The following NSD1 variants were observed in gnomAD, a reference collection of about 807,000 sequenced individuals.
NSD1 encodes the protein histone-lysine N-methyltransferase, H3 lysine-36 specific.
NSD1 carries 26 observed loss-of-function variants against 242.7 expected under a neutral mutation model. The observed-to-expected ratio is 0.11, with a 90% CI of 0.08 to 0.15. The LOEUF is 0.15. NSD1 is among the 10% of genes least tolerant of loss of function. NSD1 has a pLI of 1.00. For synonymous variants in NSD1, 1,106 were observed against 1,178.1 expected, an observed-to-expected ratio of 0.94 and a Z score of 1.25; for missense variants, 2,495 against 3,272.8, an observed-to-expected ratio of 0.76 and a Z score of 5.80.
rs116133311 is a variant in NSD1, at chr5:177,219,586, G to T, written c.3796+7391G>T. 6.8e-3 allele frequency among the ~76,000 whole-genome samples: 1,030 copies of T among 152,266 alleles called. 9 individuals carry two copies. The highest frequency in any genetic ancestry group is 0.024 in the African/African-American group (981 of 41,572). On this transcript the variant is annotated intron_variant, in intron 5 of 22. Coordinates refer to ENST00000439151, the MANE Select transcript of NSD1 (RefSeq NM_022455.5). ...TTTCCACCTATTGGTGGATTTTTCA[G>T]TTTTTGTACTGATACTGATTTCTAG...
chr5:177,295,363 T>C lies in NSD1; in HGVS notation c.7995T>C (p.Leu2665=), dbSNP rs766484866. 1.2e-6 allele frequency: 2 copies of C among 1,614,224 alleles called. No homozygotes were observed. The highest frequency in any genetic ancestry group is 1.7e-6 in the Non-Finnish European group (2 of 1,180,044). The change falls in exon 23 of 23, where the codon CTT becomes CTC. Residue 2665 remains leucine, a synonymous_variant. Coordinates refer to ENST00000439151, the MANE Select transcript of NSD1 (RefSeq NM_022455.5). The surrounding 1 kb of genome is among the most constrained non-coding windows in gnomAD (Gnocchi z 4.3). The stretch of plus-strand genomic sequence containing the variant: ...CATTGGCACAGACTTGCTGGTCTCT[T>C]GGAAGAGGGCAAGACCCCAAACCAG... ...TQTLAQTCWS[L]GRGQDPKPEQ...
At chr5:177,278,925 T>A (rs1441205782) in intron 17 of NSD1, among the ~76,000 whole-genome samples, 1 of 152,258 alleles carries the variant, frequency 6.6e-6, no homozygotes, top group African/African-American at 2.4e-5. Context: ...TTAAAACCTC[T>A]ACATTAATGG....
chr5:177,280,520 TCTG>T, intron 17 of NSD1, 42 bp from the exon 18 acceptor site: 1 of 1,613,966 alleles, frequency 6.2e-7, no homozygotes, highest in South Asian at 1.1e-5. Context: ...TGAATTGTCT[TCTG>T]CTGACTTGTT....
chr5:177,239,980 G>A (rs944074754), intron 8 of NSD1, 115 bp downstream of exon 8: 41 of 678,286 alleles, frequency 6.0e-5, no homozygotes, highest in Non-Finnish European at 9.5e-5. Context: ...AAATTAGTGT[G>A]TGTGTCAGCA....
chr5:177,160,915 TGAGCCACCAC>T (rs1401195765), intron 2 of NSD1, among the ~76,000 whole-genome samples: 1 of 151,924 alleles, frequency 6.6e-6, no homozygotes, highest in Non-Finnish European at 1.5e-5. Flanking sequence ...ACTACAGCCA[TGAGCCACCAC>T]GCCCAGCTAA....
At chr5:177,206,315 A>T (rs1762866269) in intron 4 of NSD1, among the ~76,000 whole-genome samples, 1 of 151,334 alleles carries the variant, frequency 6.6e-6, no homozygotes, top group South Asian at 2.1e-4. Flanking sequence ...TTTTATTTTT[A>T]TTTTTTTGTA....
chr5:177,221,758 T>G (rs1029436432), intron 5 of NSD1, among the ~76,000 whole-genome samples: 4 of 152,004 alleles, frequency 2.6e-5, no homozygotes, highest in Non-Finnish European at 4.4e-5. Context: ...CATTAGCCAC[T>G]GCGCCTGCCC....
At chr5:177,132,595 G>A (rs1473015133), upstream of NSD1, among the ~76,000 whole-genome samples, 1 of 151,960 alleles carries the variant, frequency 6.6e-6, no homozygotes, top group Non-Finnish European at 1.5e-5. This position sits in a 1 kb window ranked among gnomAD's most constrained non-coding sequence, Gnocchi z 7.5. Flanking sequence ...CGGCCTCCCT[G>A]GGCGGGGGCC....
At chr5:177,178,516 G>C (rs954951600) in intron 2 of NSD1, among the ~76,000 whole-genome samples, 1 of 152,218 alleles carries the variant, frequency 6.6e-6, no homozygotes, top group East Asian at 1.9e-4. Context: ...GTAAGCCACC[G>C]CACCCGGCCT....
At chr5:177,287,455 G>GT (rs1375296741) in intron 20 of NSD1, among the ~76,000 whole-genome samples, 1 of 152,174 alleles carries the variant, frequency 6.6e-6, no homozygotes, top group Non-Finnish European at 1.5e-5. Context: ...GGCTAACATG[G>GT]TGAAACACCG....
chr5:177,265,470 C>G (rs953442455), intron 14 of NSD1: 1 of 626,482 alleles, frequency 1.6e-6, no homozygotes. Flanking sequence ...CCCCTAAAAC[C>G]TCCTCTGGGG....
chr5:177,170,392 C>T (rs1398675472), intron 2 of NSD1, among the ~76,000 whole-genome samples: 4 of 151,514 alleles, frequency 2.6e-5, no homozygotes, highest in African/African-American at 4.8e-5. Context: ...GCTCTGTCGC[C>T]CAGGCTGGAG....
chr5:177,142,037 T>C (rs1056548550), intron 2 of NSD1, among the ~76,000 whole-genome samples: 2 of 152,194 alleles, frequency 1.3e-5, no homozygotes, highest in Non-Finnish European at 2.9e-5. Context: ...TTTTGCCATG[T>C]TGGCCATGCT....
rs183755210 is a variant in NSD1, at chr5:177,265,662, C to T, written c.5147-1900C>T. 1.0e-4 allele frequency: 167 copies of T among 1,609,370 alleles called. 1 individual carries two copies. In the African/African-American group the frequency reaches 2.1e-3, roughly 20 times the overall value. On this transcript the variant is annotated intron_variant, in intron 14 of 22. Transcript: ENST00000439151. Reference sequence around the variant, plus strand: ...GTGAAGTCCCGGTCCCAGTTCTTGGCGTTGGGCCGCATGCCGATGGTGCCG... The same window carrying T: ...GTGAAGTCCCGGTCCCAGTTCTTGGTGTTGGGCCGCATGCCGATGGTGCCG...
At chr5:177,154,018 T>A (rs1757930977) in intron 2 of NSD1, among the ~76,000 whole-genome samples, 1 of 152,110 alleles carries the variant, frequency 6.6e-6, no homozygotes, top group Non-Finnish European at 1.5e-5. Flanking sequence ...TCAGTCTCTC[T>A]AATGAATTTA....
intron 14 of NSD1, among the ~76,000 whole-genome samples, chr5:177,262,375 G>T (rs1009589037): frequency 1.1e-4 from 16 of 152,126 alleles, no homozygotes; most frequent in African/African-American, 3.9e-4. Context: ...GCCAAGGTGG[G>T]GAGGATTGCT....
intron 22 of NSD1, 28 bp downstream of exon 22, chr5:177,292,186 T>G (rs375672840): frequency 6.2e-7 from 1 of 1,608,190 alleles, no homozygotes; most frequent in Admixed American, 1.7e-5. Context: ...TTTGTACCGC[T>G]ACTCGTTCTC....
chr5:177,185,662 T>C lies in NSD1; in HGVS notation c.928-6222T>C, dbSNP rs369686030. On this transcript the variant is annotated intron_variant, in intron 2 of 22. Coordinates refer to ENST00000439151, the MANE Select transcript of NSD1 (RefSeq NM_022455.5). ...TTTTTTGAGACAGAGACCAAATATATATTATATATATATATAATATATATT... is the reference window on the plus strand; with the variant it reads ...TTTTTTGAGACAGAGACCAAATATACATTATATATATATATAATATATATT... 3.2e-5 allele frequency among the ~76,000 whole-genome samples: 4 copies of C among 124,352 alleles called. No homozygotes were observed. In the East Asian group the frequency reaches 8.4e-4, roughly 26 times the overall value. The allele number at this position is 124,352 out of a possible 152,430, so 81.6% of individuals were successfully genotyped here.
chr5:177,261,751 T>G (rs1316660361), intron 14 of NSD1, among the ~76,000 whole-genome samples: 2 of 152,200 alleles, frequency 1.3e-5, no homozygotes, highest in African/African-American at 4.8e-5. Context: ...GCTCCACTAT[T>G]TTCTAGTGAT....
Sources: gnomAD v4.1 joint callset for allele counts (sites outside exome capture counted in the v4.1 genomes callset) on GRCh38, gnomAD v4.1.1 for gene constraint, Gnocchi (gnomAD v3.1) non-coding constraint, MANE v1.5 for transcripts, NCBI Gene and HGNC (gene_info 2026-07-23, HGNC 2026-07-21) for gene names.